The following PPP1R21 variants were observed in gnomAD, a reference collection of about 807,000 sequenced individuals.
PPP1R21 encodes the protein protein phosphatase 1 regulatory subunit 21, also known as KLRAQ motif containing 1.
In PPP1R21, 85 loss-of-function variants were observed where a neutral mutation model predicts 112.8. The observed-to-expected ratio is 0.75, with a 90% CI of 0.63 to 0.90. The LOEUF is 0.90. PPP1R21 is among the 40% of genes least tolerant of loss of function. The probability of loss-of-function intolerance (pLI) is 0.00; values close to 1 mark genes in which losing one functional copy is unlikely to be tolerated. For missense variants in PPP1R21, 1,199 were observed against 901.5 expected, an observed-to-expected ratio of 1.33 and a Z score of -4.23; for synonymous variants, 381 against 322.3, an observed-to-expected ratio of 1.18 and a Z score of -1.95.
At chr2:48,478,809 A>G (rs1376051766) in intron 12 of PPP1R21, among the ~76,000 whole-genome samples, 1 of 152,218 alleles carries the variant, frequency 6.6e-6, no homozygotes. Flanking sequence ...TACCACAGCC[A>G]TAATTTTTTA....
At chr2:48,459,712 A>G (rs770798131) in intron 4 of PPP1R21, 42 bp from the exon 5 acceptor site, 6 of 1,594,114 alleles carry the variant, frequency 3.8e-6, no homozygotes, top group South Asian at 3.4e-5. Context: ...ATTTATGTAT[A>G]TTAGGATATT....
chr2:48,471,660 A>G (rs1028935603), intron 11 of PPP1R21, among the ~76,000 whole-genome samples: 1 of 152,164 alleles, frequency 6.6e-6, no homozygotes, highest in African/African-American at 2.4e-5. Context: ...GTTTCCTTCT[A>G]CGTTAGGATC....
In PPP1R21 at chr2:48,483,264, C is replaced by G. The variant is rs528864775; in HGVS notation, c.1318+3248C>G. ...CACCCAGGCTGGAGTGCAGTGCAAC[C>G]TTTCCCTCCCAGGTTCAAGCGATTC... On this transcript the variant is annotated intron_variant, in intron 13 of 21. Transcript: ENST00000294952. 5.8e-5 allele frequency among the ~76,000 whole-genome samples: 8 copies of G among 138,702 alleles called. No homozygotes were observed. The South Asian group carries it at 1.9e-3, about 32-fold the overall frequency. The allele number at this position is 138,702 out of a possible 152,430, so 91.0% of individuals were successfully genotyped here.
At chr2:48,498,885 T>G (rs1669973054) in intron 17 of PPP1R21, 150 bp downstream of exon 17, 1 of 833,824 alleles carries the variant, frequency 1.2e-6, no homozygotes, top group Non-Finnish European at 1.8e-6. Context: ...AGAAATTTAT[T>G]TCTCCCAGTT....
rs149625735 is a variant in PPP1R21, at chr2:48,501,382, C to T, written c.1935+2647C>T. Among the ~76,000 whole-genome samples the T allele has an allele frequency of 2.0e-5, 3 of 152,320 alleles. No homozygotes were observed. The East Asian group carries it at 5.8e-4, about 29-fold the overall frequency. On this transcript the variant is annotated intron_variant, in intron 17 of 21. Coordinates refer to ENST00000294952, the MANE Select transcript of PPP1R21 (RefSeq NM_001135629.3). ...CCAGACTAGACCAGGGAGGGTGCTG[C>T]TGACAATGACATTGTAATTGTAGAA...
Position 48,495,768 on chromosome 2 carries a change from G to T in PPP1R21, c.1689G>T (p.Gln563His). 1 of 1,568,670 alleles carries T rather than the reference G, an allele frequency of 6.4e-7. No individual in the cohort carries two copies. Among genetic ancestry groups the T allele is most frequent in the Non-Finnish European group, 8.8e-7 (1 of 1,138,686 alleles). ...SSTESREGLA[Q>H]QVQQSLEKIS... ...CTGAAAGTCGAGAAGGCCTTGCACA[G>T]CAAGTATGGCACTGGGAAAATTATG... Residue 563 changes from glutamine (Q) to histidine (H), a missense_variant, in exon 16 of 22, where the codon CAG becomes CAT. Physicochemically the swap from Gln to His is conservative, Grantham distance 24 (BLOSUM62 0). Transcript: ENST00000294952.
chr2:48,483,437 C>T (rs1669126741), intron 13 of PPP1R21, among the ~76,000 whole-genome samples: 1 of 151,974 alleles, frequency 6.6e-6, no homozygotes, highest in African/African-American at 2.4e-5. Context: ...CCTGCCTCGG[C>T]CTCTCAAAGT....
intron 12 of PPP1R21, among the ~76,000 whole-genome samples, chr2:48,477,975 A>G (rs1358478618): frequency 6.6e-6 from 1 of 152,214 alleles, no homozygotes; most frequent in African/African-American, 2.4e-5. Context: ...AATGAATGGG[A>G]TCCTTATAAG....
In PPP1R21 at chr2:48,440,845, C is replaced by A. The variant is rs950773395; in HGVS notation, c.-109C>A. 11 of 747,526 alleles carry A rather than the reference C, an allele frequency of 1.5e-5. No individual in the cohort carries two copies. The highest frequency in any genetic ancestry group is 5.7e-5 in the Admixed American group (2 of 34,872). The allele number at this position is 747,526 out of a possible 1,614,324, so 46.3% of individuals were successfully genotyped here. On this transcript the variant is annotated 5_prime_UTR_variant, in exon 1 of 22. Transcript: ENST00000294952. Reference sequence around the variant, plus strand: ...CGGCGGCGGCGGCGGCTGCGGTGGCCAAGCAGGCAGATACTGCCTGACCCG... The same window carrying A: ...CGGCGGCGGCGGCGGCTGCGGTGGCAAAGCAGGCAGATACTGCCTGACCCG...
chr2:48,498,265 C>T (rs574724362), intron 16 of PPP1R21, among the ~76,000 whole-genome samples: 28 of 137,290 alleles, frequency 2.0e-4, no homozygotes, highest in Non-Finnish European at 4.7e-4. Flanking sequence ...TGATGTTTTT[C>T]AATGAGTAGA....
chr2:48,512,830 G>C (rs988404194), intron 21 of PPP1R21, among the ~76,000 whole-genome samples: 2 of 90,674 alleles, frequency 2.2e-5, no homozygotes, highest in African/African-American at 6.3e-5. Flanking sequence ...TTGGCGATCA[G>C]GGGGCTGGTC....
In PPP1R21 at chr2:48,440,995, T is replaced by C; in HGVS notation, c.42T>C (p.Ala14=). 1.2e-6 allele frequency: 2 copies of C among 1,610,736 alleles called. No individual in the cohort carries two copies. Among genetic ancestry groups the C allele is most frequent in the Non-Finnish European group, 1.7e-6 (2 of 1,177,364 alleles). The change falls in exon 1 of 22, where the codon GCT becomes GCC. Residue 14 remains alanine, a synonymous_variant. Coordinates refer to ENST00000294952, the MANE Select transcript of PPP1R21 (RefSeq NM_001135629.3). ...TGCAGGGGAAGTACCAGAAGCTGGC[T>C]CAGGAGTACTCGAAGGTACCCATCG... ...AELQGKYQKL[A]QEYSKLRAQN...
intron 13 of PPP1R21, among the ~76,000 whole-genome samples, chr2:48,486,255 A>C (rs546294855): frequency 6.6e-6 from 1 of 152,266 alleles, no homozygotes; most frequent in East Asian, 1.9e-4. Context: ...TGGGTTGTTT[A>C]TATAAATACA....
chr2:48,447,364 A>G (rs960956976), intron 1 of PPP1R21, among the ~76,000 whole-genome samples: 2 of 152,204 alleles, frequency 1.3e-5, no homozygotes, highest in African/African-American at 4.8e-5. Context: ...AATGAGATTT[A>G]AAAGGATTAA....
chr2:48,454,644 T>A lies in PPP1R21; in HGVS notation c.176T>A (p.Met59Lys). ...DQSLRKLQQE[M>K]DSLTFRNLQL... Reference sequence around the variant, plus strand: ...TCATTGAGAAAACTACAACAGGAAATGGACAGTTTGACATTTCGAAATCTG... The same window carrying A: ...TCATTGAGAAAACTACAACAGGAAAAGGACAGTTTGACATTTCGAAATCTG... Residue 59 changes from methionine to lysine, a missense_variant, in exon 3 of 22, where the codon ATG becomes AAG. Physicochemically the swap from Met to Lys is moderately conservative, Grantham distance 95. Coordinates refer to ENST00000294952, the MANE Select transcript of PPP1R21 (RefSeq NM_001135629.3). 1.2e-6 allele frequency: 2 copies of A among 1,614,052 alleles called. No individual in the cohort carries two copies. Among genetic ancestry groups the A allele is most frequent in the Non-Finnish European group, 1.7e-6 (2 of 1,179,930 alleles).
intron 9 of PPP1R21, among the ~76,000 whole-genome samples, chr2:48,467,450 C>G (rs1042279499): frequency 6.6e-6 from 1 of 152,148 alleles, no homozygotes; most frequent in African/African-American, 2.4e-5. Flanking sequence ...TGCTGCGGGT[C>G]AAGAATGGAG....
intron 7 of PPP1R21, among the ~76,000 whole-genome samples, chr2:48,463,410 A>G (rs892258329): frequency 1.3e-4 from 20 of 152,218 alleles, no homozygotes; most frequent in African/African-American, 4.8e-4. Flanking sequence ...TGTGGCCTCG[A>G]GAGGACTAGT....
rs1490652566 is a variant in PPP1R21, at chr2:48,474,770, A to C, written c.1176A>C (p.Thr392=). The C allele has an allele frequency of 6.2e-7, 1 of 1,613,668 alleles. No homozygotes were observed. Among genetic ancestry groups the C allele is most frequent in the Admixed American group, 1.7e-5 (1 of 59,966 alleles). Residue 392 remains threonine (T), a synonymous_variant, in exon 12 of 22, where the codon ACA becomes ACC. Transcript: ENST00000294952. ...LELSQDMKKM[T]AVFEKLQTYI... ...TGTCCCAGGACATGAAAAAAATGAC[A>C]GCTGTGTTTGAGAAGCTGCAGACTT...
At chr2:48,469,077 C>T (rs1192503853) in intron 9 of PPP1R21, among the ~76,000 whole-genome samples, 8 of 151,504 alleles carry the variant, frequency 5.3e-5, no homozygotes, top group East Asian at 1.9e-4. Flanking sequence ...GTGGAAACCC[C>T]TGATAAACCT....
Sources: allele counts gnomAD v4.1 joint callset (sites outside exome capture counted in the v4.1 genomes callset), GRCh38; gene constraint gnomAD v4.1.1; transcripts MANE v1.5; gene names NCBI Gene and HGNC (gene_info 2026-07-23, HGNC 2026-07-21).